DNAH12: variants seen among roughly 807,000 people sequenced by gnomAD.
DNAH12 encodes the protein axonemal beta dynein heavy chain 12.
A neutral mutation model predicts 371.5 loss-of-function variants in DNAH12; 285 were observed. The ratio of observed to expected loss-of-function variants is 0.77; its 90% confidence interval spans 0.70 to 0.85. DNAH12 has a LOEUF of 0.85. Among genes scored for constraint, DNAH12 ranks in the 40% least tolerant of loss-of-function variants. The probability of loss-of-function intolerance (pLI) is 0.00; values close to 1 mark genes in which losing one functional copy is unlikely to be tolerated. For synonymous variants in DNAH12, 1,200 were observed against 1,213.0 expected, an observed-to-expected ratio of 0.99 and a Z score of 0.22; for missense variants, 3,611 against 3,689.4, an observed-to-expected ratio of 0.98 and a Z score of 0.55.
chr3:57,546,983 T>A (rs1424799291), upstream of DNAH12, among the ~76,000 whole-genome samples: 3 of 151,972 alleles, frequency 2.0e-5, no homozygotes, highest in Non-Finnish European at 4.4e-5. Flanking sequence ...GTCTCTATTT[T>A]AAAAAATTAA....
At chr3:57,529,372 CT>C (rs147645592) in intron 2 of DNAH12, among the ~76,000 whole-genome samples, 2 of 152,056 alleles carry the variant, frequency 1.3e-5, no homozygotes, top group African/African-American at 2.4e-5. Flanking sequence ...AGGGCCTGGG[CT>C]TTTTTTGCTG....
At chr3:57,447,989 T>C (rs1017954217) in intron 25 of DNAH12, among the ~76,000 whole-genome samples, 1 of 152,150 alleles carries the variant, frequency 6.6e-6, no homozygotes, top group Admixed American at 6.5e-5. Context: ...TATTTTAAAT[T>C]TATAATGGAT....
chr3:57,479,387 T>C lies in DNAH12; in HGVS notation c.1650+3989A>G, dbSNP rs571956483. 1.3e-3 allele frequency among the ~76,000 whole-genome samples: 198 copies of C among 152,260 alleles called. 1 individual carries two copies. The highest frequency in any genetic ancestry group is 4.5e-3 in the African/African-American group (186 of 41,536). ...AAGAGCTAACTATCCTAAATATATATGCACCCAATACAGGAGCACCCAGAT... is the reference window on the plus strand; with the variant it reads ...AAGAGCTAACTATCCTAAATATATACGCACCCAATACAGGAGCACCCAGAT... On this transcript the variant is annotated intron_variant, in intron 13 of 73. Coordinates refer to ENST00000495027, the MANE Select transcript of DNAH12 (RefSeq NM_001366028.2).
intron 25 of DNAH12, among the ~76,000 whole-genome samples, chr3:57,447,830 C>T (rs975495507): frequency 2.0e-5 from 3 of 152,018 alleles, no homozygotes; most frequent in Admixed American, 6.6e-5. Context: ...TATGCCACCA[C>T]ACTCAGTTTA....
intron 43 of DNAH12, among the ~76,000 whole-genome samples, chr3:57,398,705 G>C (rs1454620573): frequency 6.6e-6 from 1 of 152,152 alleles, no homozygotes; most frequent in Non-Finnish European, 1.5e-5. Context: ...TGGTACAGCT[G>C]CCTTACAAAA....
intron 57 of DNAH12, among the ~76,000 whole-genome samples, chr3:57,365,207 C>A (rs1434151735): frequency 6.6e-6 from 1 of 152,150 alleles, no homozygotes; most frequent in Admixed American, 6.5e-5. Context: ...TGGAATCAAC[C>A]TAAGTGTCCA....
At chr3:57,533,886 C>G (rs1043964076) in intron 2 of DNAH12, among the ~76,000 whole-genome samples, 1 of 152,208 alleles carries the variant, frequency 6.6e-6, no homozygotes, top group South Asian at 2.1e-4. Flanking sequence ...AGGTCATGTG[C>G]CCCTGCAGTC....
chr3:57,514,312 T>C (rs1470544171), intron 4 of DNAH12, among the ~76,000 whole-genome samples: 1 of 151,174 alleles, frequency 6.6e-6, no homozygotes, highest in Non-Finnish European at 1.5e-5. Flanking sequence ...GAGAATCGCT[T>C]GAACCCGGGA....
intron 12 of DNAH12, among the ~76,000 whole-genome samples, chr3:57,487,687 T>C (rs1030878834): frequency 9.2e-5 from 14 of 152,244 alleles, no homozygotes; most frequent in Non-Finnish European, 5.9e-5. Context: ...AGTACAGAAT[T>C]GAAACAGGAG....
At chr3:57,516,026 G>A (rs2068178102) in intron 4 of DNAH12, among the ~76,000 whole-genome samples, 1 of 104,234 alleles carries the variant, frequency 9.6e-6, no homozygotes, top group Non-Finnish European at 1.9e-5. Flanking sequence ...CATTTTCTAT[G>A]TCCACTCCAT....
In DNAH12 at chr3:57,468,727, T is replaced by C; in HGVS notation, c.2349+9A>G. The stretch of plus-strand genomic sequence containing the variant: ...TATAATATTAAAATGTTATTATATA[T>C]ATTTATACCTTAAAAGCTTTTATCT... On this transcript the variant is annotated intron_variant, in intron 17 of 73. Coordinates refer to ENST00000495027, the MANE Select transcript of DNAH12 (RefSeq NM_001366028.2). The C allele has an allele frequency of 7.3e-7, 1 of 1,373,260 alleles. No homozygotes were observed. Among genetic ancestry groups the C allele is most frequent in the Non-Finnish European group, 9.5e-7 (1 of 1,054,102 alleles). 85.1% of individuals were successfully genotyped at this position (1,373,260 alleles called of 1,614,324 possible).
chr3:57,314,139 G>A (rs1027885082), intron 66 of DNAH12, among the ~76,000 whole-genome samples: 3 of 152,146 alleles, frequency 2.0e-5, no homozygotes, highest in East Asian at 3.8e-4. Context: ...AGAGGATAGT[G>A]GGGACATATG....
At chr3:57,486,422 T>C (rs998043555) in intron 12 of DNAH12, among the ~76,000 whole-genome samples, 11 of 151,234 alleles carry the variant, frequency 7.3e-5, no homozygotes, top group Non-Finnish European at 1.2e-4. Context: ...TTTTTTTAAT[T>C]TTAAGTAAGA....
intron 13 of DNAH12, among the ~76,000 whole-genome samples, chr3:57,483,075 A>C (rs1274701620): frequency 6.7e-6 from 1 of 148,462 alleles, no homozygotes; most frequent in Non-Finnish European, 1.5e-5. Context: ...GTATAATAAT[A>C]AAAAAACAAA....
chr3:57,488,073 A>G (rs2066993778), intron 12 of DNAH12, among the ~76,000 whole-genome samples: 1 of 152,196 alleles, frequency 6.6e-6, no homozygotes, highest in Non-Finnish European at 1.5e-5. Flanking sequence ...TGCTTATTCA[A>G]TTTAAGATAT....
At chr3:57,537,103 A>G (rs1165515425) in intron 2 of DNAH12, among the ~76,000 whole-genome samples, 1 of 152,082 alleles carries the variant, frequency 6.6e-6, no homozygotes, top group Non-Finnish European at 1.5e-5. Context: ...CTGAGGTGGG[A>G]GGATTGCTTG....
intron 22 of DNAH12, 86 bp from the exon 23 acceptor site, chr3:57,454,980 T>A (rs942662107): frequency 3.7e-5 from 53 of 1,451,456 alleles, no homozygotes; most frequent in Non-Finnish European, 4.3e-5. Flanking sequence ...ATGTAATATT[T>A]GGCACATACA....
At position 57,382,264 on chromosome 3, in the gene DNAH12, T is replaced by C. The variant is rs1192440723; in HGVS notation, c.7990A>G (p.Lys2664Glu). The C allele has an allele frequency of 6.6e-6, 1 of 152,208 alleles. No individual in the cohort carries two copies. Among genetic ancestry groups the C allele is most frequent in the Non-Finnish European group, 1.5e-5 (1 of 68,030 alleles). The allele number at this position is 152,208 out of a possible 1,614,324, so 9.4% of individuals were successfully genotyped here. A position where few individuals can be genotyped will look rare whatever the true frequency, so the allele number is the denominator to read the frequency against. The change falls in exon 50 of 74, where the codon AAG (lysine) becomes GAG (glutamate). Residue 2664 changes from lysine to glutamate, a missense_variant and splice_region_variant. Physicochemically the swap from Lys to Glu is moderately conservative, Grantham distance 56 (BLOSUM62 1). Transcript: ENST00000495027. ...TCAAATCTGTGTCAAGTTATTACCT[T>C]GCCTCCAGTCCCTGAAGGATCTGAA... ...KISDPSGTGG[K>E]ILDYWGPSKK...
rs866829452 is a variant in DNAH12, at chr3:57,468,912, G to A, written c.2173C>T (p.Arg725Ter). The A allele has an allele frequency of 1.5e-5, 23 of 1,522,334 alleles. No individual in the cohort carries two copies. Among genetic ancestry groups the A allele is most frequent in the East Asian group, 5.0e-5 (2 of 39,988 alleles). 94.3% of individuals were successfully genotyped at this position (1,522,334 alleles called of 1,614,324 possible). ...SMEADVEEFS[R>*]EIFKTLKFFQ... ...AATTTTAGTGTCTTAAAAATTTCTC[G>A]GGAAAACTCTTCCACATCAGCCTCC... The change falls in exon 17 of 74, where the codon CGA becomes TGA. Residue 725 changes from arginine to a stop codon, truncating the protein, a stop_gained. Transcript: ENST00000495027. LOFTEE classifies it high-confidence loss of function.
Sources: allele counts gnomAD v4.1 joint callset (sites outside exome capture counted in the v4.1 genomes callset), GRCh38; gene constraint gnomAD v4.1.1; transcripts MANE v1.5; gene names NCBI Gene and HGNC (gene_info 2026-07-23, HGNC 2026-07-21).